Variants in MINPP1 observed in about 807,000 individuals in gnomAD.
The protein encoded by MINPP1 is multiple inositol polyphosphate phosphatase 1.
MINPP1 carries 28 observed loss-of-function variants against 46.1 expected under a neutral mutation model. The ratio of observed to expected loss-of-function variants is 0.61; its 90% CI spans 0.45 to 0.83. MINPP1 has a LOEUF of 0.83. MINPP1 is among the 40% of genes least tolerant of loss of function. The pLI is 0.00. For missense variants in MINPP1, 603 were observed against 610.0 expected (o/e 0.99, Z 0.12); for synonymous variants, 268 against 249.1 (o/e 1.08, Z -0.72).
chr10:87,536,681 C>T (rs1218739624), intron 4 of MINPP1, among the ~76,000 whole-genome samples: 1 of 152,056 alleles, frequency 6.6e-6, no homozygotes, highest in Non-Finnish European at 1.5e-5. Context: ...GGGCTTCTTT[C>T]ACTCAACATA....
intron 4 of MINPP1, among the ~76,000 whole-genome samples, chr10:87,543,928 A>G (rs756353283): frequency 3.3e-5 from 5 of 152,206 alleles, no homozygotes; most frequent in East Asian, 1.9e-4. Flanking sequence ...GGAGGAGACA[A>G]ACATCCAAAC....
rs1222397650 is a variant in MINPP1 at position 87,508,375 on chromosome 10, T to C, written c.677T>C (p.Met226Thr). ...FGPPTVNDKL[M>T]RFFDHCEKFL... ...CCTCCAACAGTTAATGATAAACTAATGAGATTTTTTGATCACTGTGAGAAG... is the reference window on the plus strand; with the variant it reads ...CCTCCAACAGTTAATGATAAACTAACGAGATTTTTTGATCACTGTGAGAAG... The change falls in exon 2 of 5, where the codon ATG becomes ACG. Residue 226 changes from methionine to threonine, a missense_variant. Met to Thr is a moderately conservative substitution (Grantham distance 81, BLOSUM62 -1). Transcript: ENST00000371996. 6.2e-7 allele frequency: 1 copy of C among 1,611,718 alleles called. No individual in the cohort carries two copies. The highest frequency in any genetic ancestry group is 8.5e-7 in the Non-Finnish European group (1 of 1,178,536).
intron 3 of MINPP1, among the ~76,000 whole-genome samples, chr10:87,514,617 T>G (rs1851386536): frequency 6.6e-6 from 1 of 152,214 alleles, no homozygotes; most frequent in Non-Finnish European, 1.5e-5. Context: ...CAGGATTAGA[T>G]TCAGATTAAA....
chr10:87,524,914 T>C (rs1851553100), intron 4 of MINPP1, among the ~76,000 whole-genome samples: 1 of 152,122 alleles, frequency 6.6e-6, no homozygotes, highest in Non-Finnish European at 1.5e-5. Flanking sequence ...ATAATAATCA[T>C]AGTAATAATT....
intron 3 of MINPP1, among the ~76,000 whole-genome samples, chr10:87,519,904 A>G (rs1336010071): frequency 2.6e-5 from 4 of 152,186 alleles, no homozygotes; most frequent in East Asian, 3.8e-4. Context: ...ATGTAAGTGG[A>G]AAATTTAACC....
chr10:87,528,477 A>C (rs1268245188), intron 4 of MINPP1, among the ~76,000 whole-genome samples: 1 of 152,240 alleles, frequency 6.6e-6, no homozygotes, highest in African/African-American at 2.4e-5. Flanking sequence ...CCCAGTAGTC[A>C]TTCAGGAGCA....
chr10:87,527,900 A>C (rs1260970384), intron 4 of MINPP1, among the ~76,000 whole-genome samples: 1 of 152,114 alleles, frequency 6.6e-6, no homozygotes, highest in Non-Finnish European at 1.5e-5. Context: ...CTATTGGTCT[A>C]TTCAGGGATT....
intron 4 of MINPP1, among the ~76,000 whole-genome samples, chr10:87,548,167 G>T (rs1851914222): frequency 6.6e-6 from 1 of 152,266 alleles, no homozygotes; most frequent in South Asian, 2.1e-4. Flanking sequence ...GTGTATTCAT[G>T]ACCCAGCTCA....
At chr10:87,529,176 G>C (rs1325495756) in intron 4 of MINPP1, among the ~76,000 whole-genome samples, 1 of 152,162 alleles carries the variant, frequency 6.6e-6, no homozygotes, top group Non-Finnish European at 1.5e-5. Flanking sequence ...TTGCCAGTCT[G>C]TGTCTTTTAA....
At chr10:87,519,982 AT>A (rs1250807107) in intron 3 of MINPP1, among the ~76,000 whole-genome samples, 10 of 151,902 alleles carry the variant, frequency 6.6e-5, no homozygotes. Flanking sequence ...AATAACTGTA[AT>A]CAGTGATAGG....
At chr10:87,535,500 T>C (rs1851721001) in intron 4 of MINPP1, among the ~76,000 whole-genome samples, 1 of 152,222 alleles carries the variant, frequency 6.6e-6, no homozygotes, top group Admixed American at 6.5e-5. Flanking sequence ...CAAAGGCCTA[T>C]GTGGGAATGA....
intron 4 of MINPP1, among the ~76,000 whole-genome samples, chr10:87,537,973 A>T (rs960339301): frequency 6.6e-6 from 1 of 151,472 alleles, no homozygotes; most frequent in African/African-American, 2.4e-5. Context: ...ACTTATTTTT[A>T]TTTATTTATT....
chr10:87,519,268 ATC>A (rs896997490), intron 3 of MINPP1, among the ~76,000 whole-genome samples: 1 of 152,188 alleles, frequency 6.6e-6, no homozygotes, highest in African/African-American at 2.4e-5. Flanking sequence ...ATCATTAATA[ATC>A]CAGTCCATCA....
At chr10:87,529,156 T>G (rs1169606178) in intron 4 of MINPP1, among the ~76,000 whole-genome samples, 1 of 152,216 alleles carries the variant, frequency 6.6e-6, no homozygotes, top group African/African-American at 2.4e-5. Context: ...GTCTTGACTC[T>G]TTATCCAATT....
At chr10:87,511,482 T>C (rs1851334040) in intron 2 of MINPP1, among the ~76,000 whole-genome samples, 1 of 152,104 alleles carries the variant, frequency 6.6e-6, no homozygotes, top group Admixed American at 6.5e-5. Flanking sequence ...TTAAATTTCT[T>C]ATCCACCTGA....
intron 3 of MINPP1, among the ~76,000 whole-genome samples, chr10:87,520,110 T>G (rs933457226): frequency 2.0e-5 from 3 of 146,604 alleles, no homozygotes; most frequent in Middle Eastern, 3.2e-3. Context: ...GGGTATGTAT[T>G]ATTTTTAATG....
At chr10:87,545,883 G>A (rs1024397969) in intron 4 of MINPP1, among the ~76,000 whole-genome samples, 6 of 152,194 alleles carry the variant, frequency 3.9e-5, no homozygotes, top group African/African-American at 1.2e-4. Context: ...CTAAGCAAGA[G>A]TAAAAATTTA....
intron 3 of MINPP1, among the ~76,000 whole-genome samples, chr10:87,520,756 T>G (rs948318752): frequency 6.6e-6 from 1 of 152,128 alleles, no homozygotes; most frequent in African/African-American, 2.4e-5. Context: ...TCCACTCTCT[T>G]GAGCTGTCCT....
intron 2 of MINPP1, among the ~76,000 whole-genome samples, chr10:87,512,220 A>C (rs975738127): frequency 6.6e-6 from 1 of 152,160 alleles, no homozygotes; most frequent in African/African-American, 2.4e-5. Flanking sequence ...TTCCCTTATC[A>C]CTTCTCTTCA....
Sources: allele counts gnomAD v4.1 joint callset (sites outside exome capture counted in the v4.1 genomes callset), GRCh38; gene constraint gnomAD v4.1.1; transcripts MANE v1.5; gene names NCBI Gene and HGNC (gene_info 2026-07-23, HGNC 2026-07-21).